Variants in PKD1L1 observed in about 807,000 individuals in gnomAD.
PKD1L1 encodes polycystin 1 like 1, transient receptor potential channel interacting, also known as polycystin-1-like protein 1.
Under a neutral mutation model 323.4 loss-of-function variants are expected in PKD1L1, and 236 were observed. The ratio of observed to expected loss-of-function variants is 0.73; its 90% CI spans 0.66 to 0.81. The LOEUF (loss-of-function observed/expected upper bound fraction) is 0.81. PKD1L1 is among the 40% of genes least tolerant of loss of function. The probability of loss-of-function intolerance (pLI) is 0.00; values close to 1 mark genes in which losing one functional copy is unlikely to be tolerated. For synonymous variants in PKD1L1, 1,344 were observed against 1,335.0 expected, an observed-to-expected ratio of 1.01 and a Z score of -0.15; for missense variants, 3,320 against 3,508.0, an observed-to-expected ratio of 0.95 and a Z score of 1.35.
the PKD1L1 span, among the ~76,000 whole-genome samples, chr7:47,958,925 G>T: frequency 6.6e-6 from 1 of 152,186 alleles, no homozygotes; most frequent in Non-Finnish European, 1.5e-5. Flanking sequence ...CTCCCTGCCT[G>T]ATTCTCCTGC....
chr7:47,808,399 A>T lies in PKD1L1; in HGVS notation c.7687-12T>A. ...CCAACCACGGAGAGCTGGAACATCC[A>T]AGAGAAAGGCCCTCAGATGGCTCCT... is the stretch of plus-strand genomic sequence containing the variant. On this transcript the variant is annotated splice_polypyrimidine_tract_variant and intron_variant, in intron 51 of 56. Coordinates refer to ENST00000289672, the MANE Select transcript of PKD1L1 (RefSeq NM_138295.5). 6.2e-7 allele frequency: 1 copy of T among 1,613,764 alleles called. No homozygotes were observed. Among genetic ancestry groups the T allele is most frequent in the East Asian group, 2.2e-5 (1 of 44,874 alleles).
chr7:47,857,916 AG>A, intron 27 of PKD1L1, 84 bp from the exon 28 acceptor site: 1 of 1,333,478 alleles, frequency 7.5e-7, no homozygotes, highest in Non-Finnish European at 1.0e-6. Flanking sequence ...AGAGGGGAAA[AG>A]TAGTTAAAAA....
At chr7:47,807,039 G>A (rs1584956170) in intron 52 of PKD1L1, among the ~76,000 whole-genome samples, 1 of 152,074 alleles carries the variant, frequency 6.6e-6, no homozygotes, top group East Asian at 2.0e-4. Flanking sequence ...GTCCACCCTG[G>A]TCAGCTTTCC....
In PKD1L1 at chr7:47,915,423, A is replaced by C; in HGVS notation, c.1228+9T>G. On this transcript the variant is annotated intron_variant, in intron 8 of 56. Coordinates refer to ENST00000289672, the MANE Select transcript of PKD1L1 (RefSeq NM_138295.5). ...TCCTTGTGGCCTCTTTTTGCTTTTAAAAACATACTGGTGACAAAGGCAGAA... is the reference window on the plus strand; with the variant it reads ...TCCTTGTGGCCTCTTTTTGCTTTTACAAACATACTGGTGACAAAGGCAGAA... 2.3e-6 allele frequency: 2 copies of C among 869,690 alleles called. No homozygotes were observed. The highest frequency in any genetic ancestry group is 4.0e-6 in the Non-Finnish European group (2 of 499,706). 53.9% of individuals were successfully genotyped at this position (869,690 alleles called of 1,614,324 possible). A position where few individuals can be genotyped will look rare whatever the true frequency, so the allele number is the denominator to read the frequency against.
chr7:47,809,316 T>C, intron 51 of PKD1L1, 157 bp downstream of exon 51: 1 of 589,554 alleles, frequency 1.7e-6, no homozygotes, highest in South Asian at 2.2e-5. Flanking sequence ...TGATACCTGA[T>C]CTCAAATGCT....
intron 7 of PKD1L1, among the ~76,000 whole-genome samples, chr7:47,921,657 G>A (rs547365379): frequency 1.7e-4 from 22 of 129,766 alleles, no homozygotes; most frequent in African/African-American, 6.1e-4. Context: ...CAATCAATGA[G>A]TGGATAAAGA....
At chr7:47,865,352 T>C in intron 25 of PKD1L1, 80 bp from the exon 26 acceptor site, 1 of 1,298,820 alleles carries the variant, frequency 7.7e-7, no homozygotes, top group South Asian at 1.3e-5. Flanking sequence ...AAGTTACAGC[T>C]TGCCTATGTA....
intron 18 of PKD1L1, 29 bp downstream of exon 18, chr7:47,885,657 G>A (rs908263922): frequency 2.3e-5 from 36 of 1,588,974 alleles, no homozygotes; most frequent in Non-Finnish European, 2.7e-5. Context: ...TAGACAAGAG[G>A]GATGACATGC....
intron 8 of PKD1L1, among the ~76,000 whole-genome samples, chr7:47,912,534 G>A (rs770328795): frequency 2.6e-5 from 4 of 152,076 alleles, no homozygotes; most frequent in African/African-American, 9.7e-5. Flanking sequence ...AATAACTACC[G>A]GCTGGGCACG....
chr7:47,814,095 G>GAGTTACCCAGAGCCCCAC, intron 47 of PKD1L1, 81 bp from the exon 48 acceptor site: 3 of 1,147,626 alleles, frequency 2.6e-6, no homozygotes, highest in South Asian at 1.3e-5. Context: ...AAAAGGCGTG[G>GAGTTACCCAGAGCCCCAC]GGCTCTGGGT....
intron 37 of PKD1L1, among the ~76,000 whole-genome samples, chr7:47,836,173 C>T (rs2128736649): frequency 6.6e-6 from 1 of 152,292 alleles, no homozygotes; most frequent in South Asian, 2.1e-4. Context: ...TTTAATCCCA[C>T]CAATCCATAA....
At chr7:47,889,283 A>C (rs1786755853) in intron 16 of PKD1L1, among the ~76,000 whole-genome samples, 1 of 152,238 alleles carries the variant, frequency 6.6e-6, no homozygotes, top group African/African-American at 2.4e-5. Context: ...AGACTATTTT[A>C]AAATAAATTC....
intron 7 of PKD1L1, among the ~76,000 whole-genome samples, chr7:47,925,116 T>A (rs1466097146): frequency 6.6e-6 from 1 of 152,084 alleles, no homozygotes; most frequent in African/African-American, 2.4e-5. Context: ...GACAACCAGT[T>A]TGGGGACAAA....
At chr7:47,911,176 G>A (rs993655480) in intron 8 of PKD1L1, among the ~76,000 whole-genome samples, 2 of 152,080 alleles carry the variant, frequency 1.3e-5, no homozygotes, top group Non-Finnish European at 1.5e-5. Flanking sequence ...GTGTCCTTGC[G>A]ATAGTGAGTG....
At chr7:47,931,876 G>T in intron 5 of PKD1L1, 60 bp downstream of exon 5, 1 of 1,564,296 alleles carries the variant, frequency 6.4e-7, no homozygotes, top group South Asian at 1.2e-5. Flanking sequence ...TCCCCCATAT[G>T]CATCAGATGC....
intron 7 of PKD1L1, among the ~76,000 whole-genome samples, chr7:47,925,882 G>C (rs997914437): frequency 6.6e-6 from 1 of 151,142 alleles, no homozygotes; most frequent in Admixed American, 6.6e-5. Flanking sequence ...AACCAGTTTG[G>C]GGACAAAATG....
intron 46 of PKD1L1, chr7:47,818,254 G>A: frequency 7.9e-7 from 1 of 1,264,442 alleles, no homozygotes; most frequent in Non-Finnish European, 1.0e-6. Context: ...TGAGCCAGGG[G>A]GCACAGAGAT....
In PKD1L1 at chr7:47,857,599, T is replaced by C. The variant is rs932409552; in HGVS notation, c.4590+6A>G. On this transcript the variant is annotated splice_donor_region_variant and intron_variant, in intron 28 of 56. Transcript: ENST00000289672. Reference sequence around the variant, plus strand: ...TAGAAGTGGCAGGTCATCTGTCAGCTTGTACCTGCCCAGGAGCTTGGCTCC... The same window carrying C: ...TAGAAGTGGCAGGTCATCTGTCAGCCTGTACCTGCCCAGGAGCTTGGCTCC... The C allele has an allele frequency of 3.7e-6, 6 of 1,611,616 alleles. No homozygotes were observed. The East Asian group carries it at 1.3e-4, about 36-fold the overall frequency.
intron 55 of PKD1L1, 65 bp from the exon 56 acceptor site, chr7:47,792,862 A>G: frequency 3.5e-6 from 5 of 1,441,252 alleles, no homozygotes; most frequent in Non-Finnish European, 4.8e-6. Flanking sequence ...TTTCCTCATT[A>G]TGTGAAGCAT....
Sources: gnomAD v4.1 joint callset for allele counts (sites outside exome capture counted in the v4.1 genomes callset) on GRCh38, gnomAD v4.1.1 for gene constraint, MANE v1.5 for transcripts, NCBI Gene and HGNC (gene_info 2026-07-23, HGNC 2026-07-21) for gene names.